TAPBPL: variants seen among roughly 807,000 people sequenced by gnomAD.
The protein encoded by TAPBPL is tapasin-related protein.
Under a neutral mutation model 44.8 loss-of-function variants are expected in TAPBPL, and 32 were observed. The observed-to-expected ratio is 0.71, with a 90% CI of 0.54 to 0.96. TAPBPL has a LOEUF of 0.96. TAPBPL is among the 40% of genes least tolerant of loss of function. TAPBPL has a pLI of 0.00. For missense variants in TAPBPL, 520 were observed against 586.6 expected, an observed-to-expected ratio of 0.89 and a Z score of 1.17; for synonymous variants, 230 against 240.7, an observed-to-expected ratio of 0.96 and a Z score of 0.41.
downstream of TAPBPL, chr12:6,465,735 G>A: frequency 7.0e-7 from 1 of 1,432,654 alleles, no homozygotes; most frequent in Non-Finnish European, 9.4e-7. Context: ...ATGCTGGTCA[G>A]AGAGATCCTG....
At chr12:6,466,212 G>C, downstream of TAPBPL, 1 of 1,614,136 alleles carries the variant, frequency 6.2e-7, no homozygotes, top group South Asian at 1.1e-5. Flanking sequence ...CAGAGAAACA[G>C]CTATCTACCT....
chr12:6,466,322 C>T (rs779869766), downstream of TAPBPL: 2 of 1,613,940 alleles, frequency 1.2e-6, no homozygotes, highest in Non-Finnish European at 1.7e-6. Context: ...CCCTTCTGTC[C>T]CTTCAGCAGG....
chr12:6,459,752 ATTTATTTATTTAT>A lies in TAPBPL; in HGVS notation c.1207+813_1207+825del, dbSNP rs1436551366. On this transcript the variant is annotated intron_variant, in intron 5 of 6. Coordinates refer to ENST00000266556, the MANE Select transcript of TAPBPL (RefSeq NM_018009.5). ...TATTTATTTATTTATTTATTTATTT[ATTTATTTATTTAT>A]TTTATTTTATTTTACTTTTTTTCGA... Among the ~76,000 whole-genome samples the A allele has an allele frequency of 9.7e-3, 1,390 of 143,866 alleles. 28 individuals carry two copies. Among genetic ancestry groups the A allele is most frequent in the African/African-American group, 0.036 (1,268 of 35,038 alleles). The allele number at this position is 143,866 out of a possible 152,430, so 94.4% of individuals were successfully genotyped here. A position where few individuals can be genotyped will look rare whatever the true frequency, so the allele number is the denominator to read the frequency against.
upstream of TAPBPL, chr12:6,452,011 A>T (rs1038373801): frequency 1.1e-5 from 6 of 571,100 alleles, no homozygotes; most frequent in African/African-American, 1.9e-5. Context: ...GTGAGAAAGG[A>T]AACAGCAAGC....
At chr12:6,454,148 CT>C (rs1565515342) in intron 3 of TAPBPL, among the ~76,000 whole-genome samples, 1 of 152,186 alleles carries the variant, frequency 6.6e-6, no homozygotes, top group African/African-American at 2.4e-5. Flanking sequence ...CAGGGCACCC[CT>C]AGGCCTTGGT....
intron 6 of TAPBPL, among the ~76,000 whole-genome samples, 182 bp from the exon 7 acceptor site, chr12:6,461,852 A>G (rs142707363): frequency 0.012 from 1,773 of 152,308 alleles, 21 homozygotes; most frequent in Middle Eastern, 0.048. Flanking sequence ...GATGATGGGG[A>G]AAAGGGGGTA....
intron 6 of TAPBPL, chr12:6,461,227 T>A (rs559198866): frequency 8.0e-7 from 1 of 1,243,706 alleles, no homozygotes; most frequent in South Asian, 1.6e-5. Flanking sequence ...TAAAAATACA[T>A]GAAGGTGGCA....
downstream of TAPBPL, chr12:6,470,637 C>G (rs915387940): frequency 1.0e-5 from 15 of 1,484,620 alleles, no homozygotes; most frequent in African/African-American, 1.7e-4. Flanking sequence ...AGCTCCGCCT[C>G]GCGCCGACTA....
At chr12:6,468,341 AAATCAGGG>A, downstream of TAPBPL, among the ~76,000 whole-genome samples, 1 of 152,220 alleles carries the variant, frequency 6.6e-6, no homozygotes, top group African/African-American at 2.4e-5. Flanking sequence ...CAAGATGAGG[AAATCAGGG>A]CTGCCATAAG....
chr12:6,465,809 G>A (rs1184418216), downstream of TAPBPL: 3 of 1,611,138 alleles, frequency 1.9e-6, no homozygotes, highest in African/African-American at 1.3e-5. Flanking sequence ...TGGAAGCCCA[G>A]GAAAAGATGG....
intron 3 of TAPBPL, among the ~76,000 whole-genome samples, chr12:6,456,744 C>A (rs1482401068): frequency 6.6e-6 from 1 of 152,156 alleles, no homozygotes; most frequent in Non-Finnish European, 1.5e-5. Context: ...CCTCCACCTC[C>A]CGGATTCAAG....
chr12:6,470,437 G>A, downstream of TAPBPL: 1 of 1,579,598 alleles, frequency 6.3e-7, no homozygotes, highest in Non-Finnish European at 8.7e-7. Flanking sequence ...TGCTGCAGCT[G>A]CTGCATTGCG....
At chr12:6,468,960 C>G (rs572764899), downstream of TAPBPL, among the ~76,000 whole-genome samples, 19 of 152,296 alleles carry the variant, frequency 1.2e-4, no homozygotes, top group African/African-American at 4.1e-4. Context: ...AATGAAACCA[C>G]AAAGTCACCT....
At chr12:6,452,919 C>T (rs1219808270) in intron 1 of TAPBPL, 148 bp from the exon 2 acceptor site, 7 of 843,430 alleles carry the variant, frequency 8.3e-6, no homozygotes, top group Admixed American at 5.5e-5. Context: ...TTGGGGATGA[C>T]GGGAGAATAG....
At chr12:6,466,466 T>C (rs1950028305), downstream of TAPBPL, 11 of 1,233,594 alleles carry the variant, frequency 8.9e-6, 1 homozygote, top group African/African-American at 1.5e-5. Context: ...GAGGAGCGCT[T>C]GAGCCCAGGA....
chr12:6,453,702 C>T lies in TAPBPL; in HGVS notation c.551C>T (p.Thr184Ile), dbSNP rs1949627871. ...AACTTGCCACTGAGCCCCCAGGGGA[C>T]TGTGCGAACTGCAGGTAAGAAAATG... ...TLNLPLSPQG[T>I]VRTAVEFQVM... The change falls in exon 3 of 7, where the codon ACT (threonine) becomes ATT (isoleucine). Residue 184 changes from threonine to isoleucine, a missense_variant. Transcript: ENST00000266556. The surrounding 1 kb of genome is among the most constrained non-coding windows in gnomAD (Gnocchi z 4.8). 3.8e-6 allele frequency: 6 copies of T among 1,597,600 alleles called. No individual in the cohort carries two copies. The South Asian group carries it at 6.7e-5, about 18-fold the overall frequency.
At chr12:6,451,675 T>G, upstream of TAPBPL, 1 of 402,350 alleles carries the variant, frequency 2.5e-6, no homozygotes, top group Non-Finnish European at 4.5e-6. Flanking sequence ...AAGACCCACA[T>G]GCTACAAGAC....
intron 1 of TAPBPL, chr12:6,452,657 G>A: frequency 7.9e-7 from 1 of 1,259,126 alleles, no homozygotes. Flanking sequence ...TGAAGGCGGG[G>A]GAGGGGAAGG....
intron 3 of TAPBPL, among the ~76,000 whole-genome samples, chr12:6,456,477 C>T (rs1001525542): frequency 6.6e-5 from 10 of 150,950 alleles, no homozygotes; most frequent in Non-Finnish European, 1.3e-4. Context: ...TGATTCTCCA[C>T]CTGAGCCTCC....
Sources: allele counts gnomAD v4.1 joint callset (sites outside exome capture counted in the v4.1 genomes callset), GRCh38; gene constraint gnomAD v4.1.1; non-coding constraint Gnocchi (gnomAD v3.1); transcripts MANE v1.5; gene names NCBI Gene and HGNC (gene_info 2026-07-23, HGNC 2026-07-21).